CSTF3: variants seen among roughly 807,000 people sequenced by gnomAD.
CSTF3 encodes the protein cleavage stimulation factor subunit 3.
In CSTF3, 29 loss-of-function variants were observed where a neutral mutation model predicts 105.8. The ratio of observed to expected loss-of-function variants is 0.27; its 90% CI spans 0.20 to 0.37. The LOEUF (loss-of-function observed/expected upper bound fraction) is 0.37, where lower values mean the gene tolerates loss of function less well. CSTF3 is among the 10% of genes least tolerant of loss of function. The pLI, the probability that CSTF3 is intolerant of heterozygous loss-of-function variation, is 1.00. For missense variants in CSTF3, 357 were observed against 879.3 expected, an observed-to-expected ratio of 0.41 and a Z score of 7.51; for synonymous variants, 252 against 281.9, an observed-to-expected ratio of 0.89 and a Z score of 1.06.
intron 10 of CSTF3, among the ~76,000 whole-genome samples, chr11:33,101,427 A>T (rs1233597107): frequency 6.6e-6 from 1 of 152,202 alleles, no homozygotes; most frequent in Non-Finnish European, 1.5e-5. Flanking sequence ...GTCCGATCCA[A>T]TTAGATGGTT....
chr11:33,117,562 CTACT>C (rs1184806506), intron 3 of CSTF3, among the ~76,000 whole-genome samples: 1 of 151,798 alleles, frequency 6.6e-6, no homozygotes, highest in Non-Finnish European at 1.5e-5. Context: ...GTACTATTCC[CTACT>C]TAAAGATGAG....
At chr11:33,107,880 C>G (rs1210543241) in intron 5 of CSTF3, 23 bp downstream of exon 5, 4 of 1,442,462 alleles carry the variant, frequency 2.8e-6, no homozygotes, top group Non-Finnish European at 3.9e-6. Context: ...GACTTGCATT[C>G]TTAAGATCCT....
chr11:33,107,047 A>AT (rs1855334155), intron 5 of CSTF3, among the ~76,000 whole-genome samples: 1 of 151,582 alleles, frequency 6.6e-6, no homozygotes, highest in Non-Finnish European at 1.5e-5. Context: ...GAGGCAGGAG[A>AT]ATTGCTTGAG....
chr11:33,088,860 C>T (rs913130884), intron 17 of CSTF3, among the ~76,000 whole-genome samples: 8 of 152,118 alleles, frequency 5.3e-5, no homozygotes, highest in African/African-American at 1.9e-4. Context: ...CTCAAGTGAT[C>T]GCCTGCCTCA....
intron 8 of CSTF3, among the ~76,000 whole-genome samples, chr11:33,104,106 C>T (rs1320025572): frequency 1.3e-5 from 2 of 152,156 alleles, no homozygotes; most frequent in East Asian, 3.9e-4. Context: ...GGATTACAGG[C>T]ATTAGCCATC....
rs536466365 is a variant in CSTF3, at chr11:33,145,957, C to T, written c.28-3971G>A. ...GGCAAGTAGAAACTGATCAATGTGG[C>T]CAGGGGCGATGGCTCAGGCCTGTAA... On this transcript the variant is annotated intron_variant, in intron 1 of 20. Coordinates refer to ENST00000323959, the MANE Select transcript of CSTF3 (RefSeq NM_001326.3). 2.6e-5 allele frequency among the ~76,000 whole-genome samples: 4 copies of T among 152,170 alleles called. No individual in the cohort carries two copies. In the East Asian group the frequency reaches 7.7e-4, roughly 29 times the overall value.
At chr11:33,153,900 T>A (rs1849821951) in intron 1 of CSTF3, among the ~76,000 whole-genome samples, 1 of 152,066 alleles carries the variant, frequency 6.6e-6, no homozygotes, top group African/African-American at 2.4e-5. Flanking sequence ...GTAAGCTTTT[T>A]ACTATGACCA....
At chr11:33,142,529 A>C (rs1458829765) in intron 1 of CSTF3, among the ~76,000 whole-genome samples, 1 of 152,202 alleles carries the variant, frequency 6.6e-6, no homozygotes, top group Non-Finnish European at 1.5e-5. Flanking sequence ...CAAGTGATCA[A>C]GTATTTTTTA....
chr11:33,149,686 C>T (rs1855832476), intron 1 of CSTF3, among the ~76,000 whole-genome samples: 1 of 152,156 alleles, frequency 6.6e-6, no homozygotes, highest in Non-Finnish European at 1.5e-5. Flanking sequence ...GAGTTCAAGA[C>T]CAGTCTGGCC....
At chr11:33,160,732 A>G (rs11032185) in intron 1 of CSTF3, among the ~76,000 whole-genome samples, 18,961 of 152,212 alleles carry the variant, frequency 0.12, 2,962 homozygotes, top group African/African-American at 0.37. Context: ...TGCAATGTTT[A>G]TGTAGCTGGA....
chr11:33,101,480 C>T (rs2133775271), intron 10 of CSTF3, among the ~76,000 whole-genome samples: 1 of 152,326 alleles, frequency 6.6e-6, no homozygotes, highest in East Asian at 1.9e-4. Context: ...GGAGTAAAGA[C>T]TATGTCCCAA....
At chr11:33,123,922 A>ATT (rs1855518612) in intron 3 of CSTF3, among the ~76,000 whole-genome samples, 1 of 152,046 alleles carries the variant, frequency 6.6e-6, no homozygotes, top group Non-Finnish European at 1.5e-5. Context: ...ACATATATGA[A>ATT]TATAAATACA....
rs1855716452 is a variant in CSTF3 at position 33,141,926 on chromosome 11, A to G, written c.88T>C (p.Tyr30His). Residue 30 changes from tyrosine (Y) to histidine (H), a missense_variant, in exon 2 of 21, where the codon TAT (tyrosine) becomes CAT (histidine). Physicochemically the swap from Tyr to His is moderately conservative, Grantham distance 83. Transcript: ENST00000323959. Reference protein sequence around the residue: ...KAEKKLEENPYDLDAWSILIR... With the variant: ...KAEKKLEENPHDLDAWSILIR... ...AGAATGCTCCAAGCATCAAGGTCAT[A>G]TGGATTCTCTTCTAATTTCTTTTCC... The G allele has an allele frequency of 6.2e-7, 1 of 1,610,312 alleles. No individual in the cohort carries two copies. Among genetic ancestry groups the G allele is most frequent in the Non-Finnish European group, 8.5e-7 (1 of 1,178,892 alleles).
At chr11:33,116,100 T>A (rs1273507617) in intron 3 of CSTF3, among the ~76,000 whole-genome samples, 5 of 152,218 alleles carry the variant, frequency 3.3e-5, no homozygotes, top group Admixed American at 3.3e-4. Flanking sequence ...TATAGTTTAA[T>A]TATGATTAAA....
intron 1 of CSTF3, among the ~76,000 whole-genome samples, chr11:33,148,968 A>G (rs773769948): frequency 6.6e-6 from 1 of 151,366 alleles, no homozygotes; most frequent in African/African-American, 2.4e-5. Flanking sequence ...CTGGGACTAC[A>G]GGCGTGTACC....
intron 3 of CSTF3, among the ~76,000 whole-genome samples, chr11:33,139,756 TTGTG>T (rs998456519): frequency 6.6e-6 from 1 of 151,930 alleles, no homozygotes; most frequent in African/African-American, 2.4e-5. Flanking sequence ...GTGTGTATGT[TTGTG>T]TGTGTGAAGT....
chr11:33,098,764 T>C lies in CSTF3; in HGVS notation c.1054A>G (p.Ser352Gly), dbSNP rs184046143. Residue 352 changes from serine to glycine, a missense_variant and splice_region_variant, in exon 13 of 21, where the codon AGT becomes GGT. Transcript: ENST00000323959. ...TGAACCTTTTCATACTTCATGCGAC[T>C]CTAAGGTGGTACAGAAGAAGTGAGT... ...LYFAYADYEE[S>G]RMKYEKVHSI... is the part of the protein sequence containing the mutation. The C allele has an allele frequency of 2.5e-5, 38 of 1,523,944 alleles. 1 individual carries two copies. The Admixed American group carries it at 7.9e-4, about 32-fold the overall frequency. The allele number at this position is 1,523,944 out of a possible 1,614,324, so 94.4% of individuals were successfully genotyped here.
intron 17 of CSTF3, among the ~76,000 whole-genome samples, chr11:33,087,354 C>T (rs1362557271): frequency 6.6e-6 from 1 of 152,150 alleles, no homozygotes; most frequent in Non-Finnish European, 1.5e-5. Flanking sequence ...AACTTTACCC[C>T]ACACAAGTTA....
intron 10 of CSTF3, among the ~76,000 whole-genome samples, chr11:33,100,889 G>T (rs1367932224): frequency 6.6e-6 from 1 of 152,164 alleles, no homozygotes; most frequent in Non-Finnish European, 1.5e-5. Flanking sequence ...CAAGATTGAG[G>T]AATTCAATAA....
Sources: allele counts gnomAD v4.1 joint callset (sites outside exome capture counted in the v4.1 genomes callset), GRCh38; gene constraint gnomAD v4.1.1; transcripts MANE v1.5; gene names NCBI Gene and HGNC (gene_info 2026-07-23, HGNC 2026-07-21).